The following PTGIS variants were observed in gnomAD, a reference collection of about 807,000 sequenced individuals.
PTGIS encodes prostacyclin synthase.
A neutral mutation model predicts 50.3 loss-of-function variants in PTGIS; 45 were observed. The observed-to-expected ratio is 0.90, with a 90% CI of 0.70 to 1.15. PTGIS has a LOEUF of 1.15. PTGIS is among the 50% of genes most tolerant of loss of function. The pLI is 0.00. For missense variants in PTGIS, 668 were observed against 661.3 expected, an observed-to-expected ratio of 1.01 and a Z score of -0.11; for synonymous variants, 260 against 267.7, an observed-to-expected ratio of 0.97 and a Z score of 0.28.
intron 6 of PTGIS, among the ~76,000 whole-genome samples, chr20:49,519,962 C>G (rs1162899081): frequency 6.6e-6 from 1 of 152,214 alleles, no homozygotes; most frequent in African/African-American, 2.4e-5. Context: ...GCCTCTGCTT[C>G]CCCACCCCCT....
chr20:49,513,859 GC>G (rs1180039119), intron 7 of PTGIS, among the ~76,000 whole-genome samples: 1 of 152,212 alleles, frequency 6.6e-6, no homozygotes, highest in African/African-American at 2.4e-5. Flanking sequence ...GCTACTGCCA[GC>G]CTGAGACTGG....
In PTGIS at chr20:49,568,117, C is replaced by A. The variant is rs1234337375; in HGVS notation, c.-1G>T. On this transcript the variant is annotated 5_prime_UTR_variant, in exon 1 of 10. Coordinates refer to ENST00000244043, the MANE Select transcript of PTGIS (RefSeq NM_000961.4). The stretch of plus-strand genomic sequence containing the variant: ...GGCCGAGGAGCGCGGCCCAAGCCAT[C>A]GCGGGGCTGGCGGGGCTGGCGGGGC... 19 of 784,882 alleles carry A rather than the reference C, an allele frequency of 2.4e-5. No individual in the cohort carries two copies. Among genetic ancestry groups the A allele is most frequent in the Non-Finnish European group, 3.0e-5 (17 of 568,998 alleles). The allele number at this position is 784,882 out of a possible 1,614,324, so 48.6% of individuals were successfully genotyped here. A position where few individuals can be genotyped will look rare whatever the true frequency, so the allele number is the denominator to read the frequency against.
chr20:49,539,734 G>T lies in PTGIS; in HGVS notation c.522-13C>A. The T allele has an allele frequency of 6.2e-7, 1 of 1,607,932 alleles. No individual in the cohort carries two copies. ...CAGGTAGCCGGCTCTGGGGGCGGCA[G>T]ACAGAGGGTCAGGGGTCCTCCTGGG... On this transcript the variant is annotated splice_polypyrimidine_tract_variant and intron_variant, in intron 4 of 9. Coordinates refer to ENST00000244043, the MANE Select transcript of PTGIS (RefSeq NM_000961.4).
At chr20:49,564,503 A>G (rs1982848424) in intron 1 of PTGIS, among the ~76,000 whole-genome samples, 1 of 152,130 alleles carries the variant, frequency 6.6e-6, no homozygotes, top group Non-Finnish European at 1.5e-5. Context: ...GGCCCGCCTC[A>G]GCCTCCCAAA....
At chr20:49,509,910 A>C (rs1208652262) in intron 9 of PTGIS, among the ~76,000 whole-genome samples, 1 of 114,470 alleles carries the variant, frequency 8.7e-6, no homozygotes, top group African/African-American at 3.6e-5. Context: ...TTTTCTGGAG[A>C]CAGAGTCTCA....
intron 5 of PTGIS, among the ~76,000 whole-genome samples, chr20:49,536,522 C>T (rs1175465963): frequency 2.8e-5 from 4 of 142,388 alleles, no homozygotes; most frequent in African/African-American, 8.0e-5. Flanking sequence ...ACTCTGTCGC[C>T]CAGGCTGGAG....
intron 6 of PTGIS, 110 bp downstream of exon 6, chr20:49,523,948 C>A: frequency 7.6e-7 from 1 of 1,317,258 alleles, no homozygotes; most frequent in South Asian, 1.2e-5. Flanking sequence ...CACACACAGG[C>A]ATAGTCATGT....
chr20:49,533,578 G>A (rs552712462), intron 5 of PTGIS, among the ~76,000 whole-genome samples: 1 of 152,242 alleles, frequency 6.6e-6, no homozygotes, highest in Admixed American at 6.5e-5. Flanking sequence ...GAATCTAAGA[G>A]TTCAAGTCCA....
At chr20:49,526,362 C>T in intron 5 of PTGIS, among the ~76,000 whole-genome samples, 1 of 152,252 alleles carries the variant, frequency 6.6e-6, no homozygotes, top group East Asian at 1.9e-4. Flanking sequence ...GACCACACAA[C>T]TGCAATCTTG....
intron 5 of PTGIS, among the ~76,000 whole-genome samples, chr20:49,538,608 G>T (rs1982143547): frequency 6.6e-6 from 1 of 152,058 alleles, no homozygotes; most frequent in African/African-American, 2.4e-5. Flanking sequence ...CTACCTCGCA[G>T]GGGTGAATAC....
chr20:49,516,228 G>A (rs1011933902), intron 6 of PTGIS, among the ~76,000 whole-genome samples: 2 of 152,122 alleles, frequency 1.3e-5, no homozygotes, highest in Admixed American at 6.5e-5. Flanking sequence ...AGAGGATAAG[G>A]AGGAAGGAGG....
intron 5 of PTGIS, among the ~76,000 whole-genome samples, chr20:49,536,603 C>T (rs756041665): frequency 4.0e-5 from 6 of 151,322 alleles, no homozygotes; most frequent in Non-Finnish European, 8.8e-5. Context: ...ACCTCAGCTT[C>T]CCGGGTAGCT....
chr20:49,524,197 T>C lies in PTGIS; in HGVS notation c.716A>G (p.Lys239Arg). 1.9e-6 allele frequency: 3 copies of C among 1,614,174 alleles called. No homozygotes were observed. Among genetic ancestry groups the C allele is most frequent in the Non-Finnish European group, 2.5e-6 (3 of 1,180,038 alleles). ...HMCSVKSRLW[K>R]LLSPARLARR... ...GGCCAGCCTGGCTGGGGATAGCAGC[T>C]TCCACAGGCGACTTTTGACACTGCA... The change falls in exon 6 of 10, where the codon AAG (lysine) becomes AGG (arginine). Residue 239 changes from lysine to arginine, a missense_variant. By Grantham distance (26) the Lys-to-Arg change is conservative. Transcript: ENST00000244043.
At position 49,513,789 on chromosome 20, in the gene PTGIS, C is replaced by T. The variant is rs944572829; in HGVS notation, c.1024+438G>A. Among the ~76,000 whole-genome samples, 10 of 152,216 alleles carry T rather than the reference C, an allele frequency of 6.6e-5. 1 individual carries two copies. Among genetic ancestry groups the T allele is most frequent in the African/African-American group, 2.4e-4 (10 of 41,516 alleles). On this transcript the variant is annotated intron_variant, in intron 7 of 9. Transcript: ENST00000244043. ...ACAGTCTTGGGACTCTTGGTGGGAA[C>T]ACTGTAAGAGATTCAGAGTCTCACA... is the stretch of plus-strand genomic sequence containing the variant.
intron 1 of PTGIS, among the ~76,000 whole-genome samples, chr20:49,564,936 G>A (rs748709390): frequency 1.3e-5 from 2 of 151,622 alleles, no homozygotes; most frequent in African/African-American, 2.4e-5. Flanking sequence ...CCATTCAGAC[G>A]GCATCAGGGT....
intron 6 of PTGIS, among the ~76,000 whole-genome samples, chr20:49,521,650 C>A (rs1190577443): frequency 2.0e-5 from 3 of 152,218 alleles, no homozygotes; most frequent in African/African-American, 7.2e-5. Context: ...GTCCCCACCC[C>A]TTGCCAGTCT....
chr20:49,531,282 G>T (rs1242870277), intron 5 of PTGIS, among the ~76,000 whole-genome samples: 2 of 152,164 alleles, frequency 1.3e-5, no homozygotes, highest in African/African-American at 4.8e-5. Flanking sequence ...GTGCATATGG[G>T]AGTGAGGAAG....
intron 4 of PTGIS, among the ~76,000 whole-genome samples, chr20:49,542,217 C>T (rs2122880286): frequency 6.6e-6 from 1 of 152,306 alleles, no homozygotes; most frequent in Non-Finnish European, 1.5e-5. Context: ...GAGGCCAGGG[C>T]CAACACAGGC....
intron 9 of PTGIS, 35 bp downstream of exon 9, chr20:49,510,993 G>A (rs1222681858): frequency 6.2e-7 from 1 of 1,605,424 alleles, no homozygotes; most frequent in South Asian, 1.1e-5. Context: ...AGGGGATCAG[G>A]AGCCACCCTG....
Sources: gnomAD v4.1 joint callset for allele counts (sites outside exome capture counted in the v4.1 genomes callset) on GRCh38, gnomAD v4.1.1 for gene constraint, MANE v1.5 for transcripts, NCBI Gene and HGNC (gene_info 2026-07-23, HGNC 2026-07-21) for gene names.